The following LSG1 variants were observed in gnomAD, a reference collection of about 807,000 sequenced individuals.
LSG1 encodes the protein large subunit GTPase 1 homolog.
LSG1 carries 55 observed loss-of-function variants against 82.6 expected under a neutral mutation model. That is an observed-to-expected ratio of 0.67 (90% CI 0.54 to 0.83). The LOEUF (loss-of-function observed/expected upper bound fraction) is 0.83, where lower values mean the gene tolerates loss of function less well. Among genes scored for constraint, LSG1 ranks in the 40% least tolerant of loss-of-function variants. The pLI is 0.00. For missense variants in LSG1, 809 were observed against 807.9 expected, an observed-to-expected ratio of 1.00 and a Z score of -0.02; for synonymous variants, 272 against 282.5, an observed-to-expected ratio of 0.96 and a Z score of 0.37.
At position 194,661,017 on chromosome 3, in the gene LSG1, C is replaced by T. The variant is rs779346318; in HGVS notation, c.522-884G>A. 1.7e-4 allele frequency: 61 copies of T among 368,342 alleles called. 1 individual carries two copies. Among genetic ancestry groups the T allele is most frequent in the South Asian group, 9.7e-4 (49 of 50,516 alleles). 22.8% of individuals were successfully genotyped at this position (368,342 alleles called of 1,614,324 possible). On this transcript the variant is annotated intron_variant, in intron 5 of 13. Transcript: ENST00000265245. ...AAGCTACAGATGCATGACTACCTCA[C>T]GGCAGAGTCTCCCCAAAATCCTTAT... is the stretch of plus-strand genomic sequence containing the variant.
chr3:194,650,045 G>A (rs989707102), intron 10 of LSG1, among the ~76,000 whole-genome samples: 2 of 151,988 alleles, frequency 1.3e-5, no homozygotes, highest in African/African-American at 2.4e-5. Context: ...TCAGCCTCCC[G>A]AGTAGCTGGG....
chr3:194,652,651 T>C (rs1483919308), intron 8 of LSG1, 78 bp downstream of exon 8: 9 of 1,498,720 alleles, frequency 6.0e-6, no homozygotes, highest in Middle Eastern at 1.8e-4. Context: ...TGGTTGGTCT[T>C]TGGGGTCGTG....
intron 1 of LSG1, 73 bp from the exon 2 acceptor site, chr3:194,670,208 C>T: frequency 6.5e-7 from 1 of 1,537,116 alleles, no homozygotes; most frequent in Non-Finnish European, 8.9e-7. Context: ...TCTAAAATTC[C>T]TTGCAACTAG....
At chr3:194,659,823 G>A (rs1292364508) in intron 6 of LSG1, among the ~76,000 whole-genome samples, 1 of 152,226 alleles carries the variant, frequency 6.6e-6, no homozygotes, top group Non-Finnish European at 1.5e-5. Flanking sequence ...AATGCCTTAA[G>A]TGGCTTCTAA....
At chr3:194,665,690 C>T in intron 4 of LSG1, 47 bp from the exon 5 acceptor site, 4 of 1,130,442 alleles carry the variant, frequency 3.5e-6, no homozygotes, top group African/African-American at 1.6e-5. Flanking sequence ...TTATAATAGA[C>T]AATTTTTAGC....
Position 194,642,373 on chromosome 3 carries a change from C to T in LSG1, c.1798-126G>A, listed in dbSNP as rs1718417067. Reference sequence around the variant, plus strand: ...AGTCACTGGGTGAACTTCCGCCCCCCTCCCCTTCACTGGTCCTCTTTCTCC... The same window carrying T: ...AGTCACTGGGTGAACTTCCGCCCCCTTCCCCTTCACTGGTCCTCTTTCTCC... On this transcript the variant is annotated intron_variant, in intron 13 of 13. Transcript: ENST00000265245. 1.1e-5 allele frequency: 7 copies of T among 639,614 alleles called. No homozygotes were observed. The Admixed American group carries it at 2.4e-4, about 22-fold the overall frequency. The allele number at this position is 639,614 out of a possible 1,614,324, so 39.6% of individuals were successfully genotyped here.
intron 11 of LSG1, among the ~76,000 whole-genome samples, chr3:194,648,030 T>C (rs961071047): frequency 2.6e-5 from 4 of 151,636 alleles, no homozygotes; most frequent in Non-Finnish European, 4.4e-5. Flanking sequence ...CAGCAATCCC[T>C]GTAAAGGCAA....
rs1459650502 is a variant in LSG1 at position 194,651,259 on chromosome 3, C to T, written c.1174-43G>A. On this transcript the variant is annotated intron_variant, in intron 8 of 13. Coordinates refer to ENST00000265245, the MANE Select transcript of LSG1 (RefSeq NM_018385.3). ...GTTACCAAACAGTAAAACAGTACAT[C>T]TATCAAAAGACTCAAAGATATGACA... The T allele has an allele frequency of 4.5e-6, 6 of 1,326,976 alleles. No individual in the cohort carries two copies. In the Admixed American group the frequency reaches 6.8e-5, roughly 15 times the overall value. 82.2% of individuals were successfully genotyped at this position (1,326,976 alleles called of 1,614,324 possible). A position where few individuals can be genotyped will look rare whatever the true frequency, so the allele number is the denominator to read the frequency against.
chr3:194,668,534 C>T (rs1266713490), intron 2 of LSG1, among the ~76,000 whole-genome samples: 1 of 152,174 alleles, frequency 6.6e-6, no homozygotes, highest in Non-Finnish European at 1.5e-5. Context: ...CTCTTTTTCA[C>T]TTACACTACC....
chr3:194,654,649 T>G (rs983365403), intron 7 of LSG1, among the ~76,000 whole-genome samples: 9 of 152,110 alleles, frequency 5.9e-5, no homozygotes, highest in Non-Finnish European at 1.3e-4. Flanking sequence ...CATTTTCAAA[T>G]ATGAAAGTAG....
chr3:194,668,282 G>A (rs1402541859), intron 2 of LSG1, among the ~76,000 whole-genome samples: 1 of 151,964 alleles, frequency 6.6e-6, no homozygotes, highest in Admixed American at 6.6e-5. Flanking sequence ...CATTTCTTTC[G>A]GGCATATACC....
rs771546070 is a variant in LSG1 at position 194,669,899 on chromosome 3, T to G, written c.226+110A>C. 1.7e-5 allele frequency: 23 copies of G among 1,324,534 alleles called. No individual in the cohort carries two copies. In the East Asian group the frequency reaches 5.3e-4, roughly 31 times the overall value. The allele number at this position is 1,324,534 out of a possible 1,614,324, so 82.0% of individuals were successfully genotyped here. A position where few individuals can be genotyped will look rare whatever the true frequency, so the allele number is the denominator to read the frequency against. On this transcript the variant is annotated intron_variant, in intron 2 of 13. Coordinates refer to ENST00000265245, the MANE Select transcript of LSG1 (RefSeq NM_018385.3). ...TGAGCTGATATCACGCCACTGCACT[T>G]CAGCCTGGGTGACAGAGCGAGACTC... is the stretch of plus-strand genomic sequence containing the variant.
intron 6 of LSG1, 49 bp from the exon 7 acceptor site, chr3:194,659,182 A>C: frequency 6.9e-7 from 1 of 1,456,826 alleles, no homozygotes; most frequent in Non-Finnish European, 9.5e-7. Context: ...CAAGTAAAAA[A>C]ATGAGGCTAA....
Position 194,669,484 on chromosome 3 carries a change from A to G in LSG1, c.226+525T>C, listed in dbSNP as rs543686569. On this transcript the variant is annotated intron_variant, in intron 2 of 13. Coordinates refer to ENST00000265245, the MANE Select transcript of LSG1 (RefSeq NM_018385.3). ...TCTGGCCCTTGCCCACCTCCTCAGCACCTGTGCTCATCACATCCCGCCCCC... is the reference window on the plus strand; with the variant it reads ...TCTGGCCCTTGCCCACCTCCTCAGCGCCTGTGCTCATCACATCCCGCCCCC... 3.9e-5 allele frequency among the ~76,000 whole-genome samples: 6 copies of G among 152,168 alleles called. No individual in the cohort carries two copies. In the South Asian group the frequency reaches 1.2e-3, roughly 32 times the overall value.
chr3:194,665,159 T>C (rs1382660828), intron 5 of LSG1, among the ~76,000 whole-genome samples: 1 of 152,186 alleles, frequency 6.6e-6, no homozygotes, highest in Non-Finnish European at 1.5e-5. Flanking sequence ...AGCATTTAGC[T>C]GAACATGGTG....
chr3:194,662,676 C>T (rs1408081201), intron 5 of LSG1, among the ~76,000 whole-genome samples: 4 of 152,240 alleles, frequency 2.6e-5, no homozygotes, highest in Admixed American at 6.5e-5. Context: ...GCAGGAAAAT[C>T]GCTTGAACCC....
At chr3:194,659,179 A>T in intron 6 of LSG1, 46 bp from the exon 7 acceptor site, 2 of 1,468,314 alleles carry the variant, frequency 1.4e-6, no homozygotes, top group African/African-American at 2.8e-5. Context: ...AAACAAGTAA[A>T]AAAATGAGGC....
chr3:194,649,828 A>G (rs73069321), intron 10 of LSG1, among the ~76,000 whole-genome samples: 6,861 of 152,128 alleles, frequency 0.045, 517 homozygotes, highest in African/African-American at 0.16. Context: ...GAAGTCTCCT[A>G]TTTTCTGCTA....
rs1000690195 is a variant in LSG1, at chr3:194,647,560, G to A, written c.1543+1121C>T. On this transcript the variant is annotated intron_variant, in intron 11 of 13. Transcript: ENST00000265245. ...CAGATAGTGAACTTAGAAATTGTACGTGTGGTCATTTGCTTTTACAAACTG... is the reference window on the plus strand; with the variant it reads ...CAGATAGTGAACTTAGAAATTGTACATGTGGTCATTTGCTTTTACAAACTG... 4.6e-5 allele frequency among the ~76,000 whole-genome samples: 7 copies of A among 152,202 alleles called. No homozygotes were observed. The South Asian group carries it at 6.2e-4, about 13-fold the overall frequency.
Sources: allele counts gnomAD v4.1 joint callset (sites outside exome capture counted in the v4.1 genomes callset), GRCh38; gene constraint gnomAD v4.1.1; transcripts MANE v1.5; gene names NCBI Gene and HGNC (gene_info 2026-07-23, HGNC 2026-07-21).